Variants in PEX5 observed in about 807,000 individuals in gnomAD.
The protein encoded by PEX5 is PTS1 receptor.
PEX5 carries 52 observed loss-of-function variants against 82.9 expected under a neutral mutation model. That is an observed-to-expected ratio of 0.63 (90% CI 0.50 to 0.79). The LOEUF (loss-of-function observed/expected upper bound fraction) is 0.79. Among genes scored for constraint, PEX5 ranks in the 30% least tolerant of loss-of-function variants. The pLI, the probability that PEX5 is intolerant of heterozygous loss-of-function variation, is 0.00. For synonymous variants in PEX5, 300 were observed against 318.8 expected (o/e 0.94, Z 0.63); for missense variants, 719 against 815.2 (o/e 0.88, Z 1.44).
Position 7,203,445 on chromosome 12 carries a change from T to A in PEX5, c.860T>A (p.Phe287Tyr). 6.2e-7 allele frequency: 1 copy of A among 1,613,864 alleles called. No homozygotes were observed. Among genetic ancestry groups the A allele is most frequent in the Non-Finnish European group, 8.5e-7 (1 of 1,179,948 alleles). ...CCTTCCTTACAGTCTGATGTCGATTTCTGGGACAAGTTGCAGGCAGAGTTG... is the reference window on the plus strand; with the variant it reads ...CCTTCCTTACAGTCTGATGTCGATTACTGGGACAAGTTGCAGGCAGAGTTG... ...AKSAIESDVD[F>Y]WDKLQAELEE... is the part of the protein sequence containing the mutation. The change falls in exon 10 of 16, where the codon TTC (phenylalanine) becomes TAC (tyrosine). Residue 287 changes from phenylalanine to tyrosine, a missense_variant. Phe to Tyr is a conservative substitution (Grantham distance 22). Coordinates refer to ENST00000675855, the MANE Select transcript of PEX5 (RefSeq NM_001351132.2).
intron 12 of PEX5, 87 bp downstream of exon 12, chr12:7,208,167 G>A (rs1945056083): frequency 9.9e-7 from 1 of 1,013,480 alleles, no homozygotes; most frequent in Non-Finnish European, 1.6e-6. Context: ...CTGGATCCTT[G>A]TCTTCTTTCT....
At chr12:7,203,626 T>C in intron 10 of PEX5, 75 bp downstream of exon 10, 1 of 1,433,708 alleles carries the variant, frequency 7.0e-7, no homozygotes, top group Middle Eastern at 2.2e-4. Context: ...ATCCTGAATT[T>C]GAAGGGTGCT....
rs1219222453 is a variant in PEX5 at position 7,201,194 on chromosome 12, TACAC to T, written c.552-555_552-552del. On this transcript the variant is annotated intron_variant, in intron 6 of 15. Transcript: ENST00000675855. ...ATACACATATGTACACACGCATACA[TACAC>T]ATACATGTGCACATACATGTATATA... 2.7e-4 allele frequency among the ~76,000 whole-genome samples: 41 copies of T among 149,290 alleles called. No homozygotes were observed. In the East Asian group the frequency reaches 6.2e-3, roughly 23 times the overall value.
At chr12:7,200,112 A>T (rs2136101469) in intron 6 of PEX5, among the ~76,000 whole-genome samples, 1 of 147,808 alleles carries the variant, frequency 6.8e-6, no homozygotes, top group Non-Finnish European at 1.5e-5. Context: ...TGCCGGGCGG[A>T]GACGCTCCTC....
chr12:7,215,619 C>G (rs1945755677), downstream of PEX5, among the ~76,000 whole-genome samples: 1 of 152,146 alleles, frequency 6.6e-6, no homozygotes, highest in African/African-American at 2.4e-5. Flanking sequence ...AGGCCATTAT[C>G]CTAAGCAAAT....
At chr12:7,190,288 G>C in intron 1 of PEX5, 74 bp from the exon 2 acceptor site, 1 of 1,598,278 alleles carries the variant, frequency 6.3e-7, no homozygotes, top group African/African-American at 1.3e-5. Context: ...GCCTTCCTCA[G>C]ATACGGGCAG....
At chr12:7,191,158 AG>A in intron 3 of PEX5, 67 bp from the exon 4 acceptor site, 1 of 1,576,146 alleles carries the variant, frequency 6.3e-7, no homozygotes, top group Non-Finnish European at 8.7e-7. Flanking sequence ...ATCCCCCTCC[AG>A]TGGGTCCTGC....
At chr12:7,209,986 C>A (rs1430837185) in intron 15 of PEX5, 36 bp from the exon 16 acceptor site, 1 of 1,609,980 alleles carries the variant, frequency 6.2e-7, no homozygotes, top group African/African-American at 1.3e-5. Context: ...CATTGTTGTT[C>A]AGCTTAACAG....
chr12:7,201,186 CGCAT>C (rs1404610076), intron 6 of PEX5, among the ~76,000 whole-genome samples: 3 of 151,560 alleles, frequency 2.0e-5, no homozygotes, highest in Non-Finnish European at 4.4e-5. Flanking sequence ...TATGTACACA[CGCAT>C]ACATACACAT....
downstream of PEX5, among the ~76,000 whole-genome samples, chr12:7,214,724 AAATAAAAAAAG>A (rs1045145372): frequency 6.7e-5 from 9 of 135,318 alleles, no homozygotes; most frequent in South Asian, 2.5e-4. Context: ...AATAATAATA[AAATAAAAAAAG>A]AATTATTCTC....
chr12:7,208,152 C>T, intron 12 of PEX5, 72 bp downstream of exon 12: 1 of 1,119,650 alleles, frequency 8.9e-7, no homozygotes, highest in Admixed American at 1.7e-5. Context: ...GACAGAAGCC[C>T]AGACCTGGAT....
In PEX5 at chr12:7,203,666, G is replaced by A. The variant is rs80005439; in HGVS notation, c.966+115G>A. The A allele has an allele frequency of 9.6e-4, 973 of 1,014,306 alleles. 15 individuals carry two copies. The East Asian group carries it at 0.025, about 26-fold the overall frequency. The allele number at this position is 1,014,306 out of a possible 1,614,324, so 62.8% of individuals were successfully genotyped here. A position where few individuals can be genotyped will look rare whatever the true frequency, so the allele number is the denominator to read the frequency against. Reference sequence around the variant, plus strand: ...AGTATTTTCTTGAGTCCCTTTCCACGAAAAGAAGTCTGAATAATTCCCTTG... The same window carrying A: ...AGTATTTTCTTGAGTCCCTTTCCACAAAAAGAAGTCTGAATAATTCCCTTG... On this transcript the variant is annotated intron_variant, in intron 10 of 15. Transcript: ENST00000675855.
At position 7,191,648 on chromosome 12, in the gene PEX5, T is replaced by C. The variant is rs370827246; in HGVS notation, c.396T>C (p.Thr132=). The part of the protein sequence containing the change: ...FLAAGDAVDV[T]QDYNETDWSQ... ...CAGCTGGAGATGCTGTGGATGTAAC[T>C]CAGGATTATAATGAGACTGACTGGT... Residue 132 remains threonine, a synonymous_variant, in exon 5 of 16, where the codon ACT becomes ACC. Transcript: ENST00000675855. 2.7e-4 allele frequency: 429 copies of C among 1,613,742 alleles called. 1 individual carries two copies. The highest frequency in any genetic ancestry group is 3.5e-4 in the Non-Finnish European group (411 of 1,179,740).
chr12:7,209,892 G>A (rs2136260075), intron 15 of PEX5, 52 bp downstream of exon 15: 12 of 1,609,514 alleles, frequency 7.5e-6, no homozygotes, highest in Non-Finnish European at 1.0e-5. Context: ...CCCTGCCTTT[G>A]GCCCTAGCTC....
At chr12:7,198,909 G>C in intron 5 of PEX5, 102 bp from the exon 6 acceptor site, 1 of 675,830 alleles carries the variant, frequency 1.5e-6, no homozygotes, top group Non-Finnish European at 2.7e-6. Context: ...GTCTGCTTTG[G>C]TGTGGCTAAG....
Position 7,199,049 on chromosome 12 carries a change from T to C in PEX5, c.487T>C (p.Tyr163His), listed in dbSNP as rs1168135262. 6.2e-7 allele frequency: 1 copy of C among 1,610,208 alleles called. No homozygotes were observed. Among genetic ancestry groups the C allele is most frequent in the Admixed American group, 1.7e-5 (1 of 59,798 alleles). The change falls in exon 6 of 16, where the codon TAT becomes CAT. Residue 163 changes from tyrosine to histidine, a missense_variant. Coordinates refer to ENST00000675855, the MANE Select transcript of PEX5 (RefSeq NM_001351132.2). The stretch of plus-strand genomic sequence containing the variant: ...GTCCCCTGCCCGCTGGGCTGAGGAA[T>C]ATTTGGAGCAATCAGAGGAGAAGCT... ...SVSPARWAEEYLEQSEEKLWL... is the reference protein window; with the variant it reads ...SVSPARWAEEHLEQSEEKLWL...
intron 5 of PEX5, among the ~76,000 whole-genome samples, chr12:7,195,986 C>A (rs755952673): frequency 1.0e-3 from 147 of 145,788 alleles, no homozygotes; most frequent in African/African-American, 3.2e-3. Flanking sequence ...GATCTATGGT[C>A]AAAAAAAATT....
intron 6 of PEX5, among the ~76,000 whole-genome samples, chr12:7,200,561 C>T (rs752851780): frequency 3.9e-5 from 6 of 152,080 alleles, no homozygotes; most frequent in Non-Finnish European, 7.4e-5. Context: ...GAGGTTGTAG[C>T]GAGCCGAGAT....
At position 7,202,619 on chromosome 12, in the gene PEX5, C is replaced by T; in HGVS notation, c.761C>T (p.Ser254Leu). Residue 254 changes from serine (S) to leucine (L), a missense_variant, in exon 9 of 16, where the codon TCA becomes TTA. Physicochemically the swap from Ser to Leu is moderately radical, Grantham distance 145. Transcript: ENST00000675855. Reference protein sequence around the residue: ...AAEFIQQQGTSDAWVDQFTRP... With the variant: ...AAEFIQQQGTLDAWVDQFTRP... The stretch of plus-strand genomic sequence containing the variant: ...CATCCTTTTTTGTCGCAGGGTACAT[C>T]AGATGCCTGGGTTGACCAGTTCACA... 6.2e-7 allele frequency: 1 copy of T among 1,613,894 alleles called. No homozygotes were observed. Among genetic ancestry groups the T allele is most frequent in the Non-Finnish European group, 8.5e-7 (1 of 1,179,802 alleles).
Sources: allele counts gnomAD v4.1 joint callset (sites outside exome capture counted in the v4.1 genomes callset), GRCh38; gene constraint gnomAD v4.1.1; transcripts MANE v1.5; gene names NCBI Gene and HGNC (gene_info 2026-07-23, HGNC 2026-07-21).